The following ADAM2 variants were observed in gnomAD, a reference collection of about 807,000 sequenced individuals.
The protein encoded by ADAM2 is ADAM metallopeptidase domain 2, also known as disintegrin and metalloproteinase domain-containing protein 2.
Under a neutral mutation model 99.3 loss-of-function variants are expected in ADAM2, and 101 were observed. The observed-to-expected ratio is 1.02, with a 90% CI of 0.87 to 1.20. The LOEUF is 1.20. Among genes scored for constraint, ADAM2 ranks in the 50% most tolerant of loss-of-function variants. The pLI is 0.00. For missense variants in ADAM2, 948 were observed against 878.7 expected (o/e 1.08, Z -1.00); for synonymous variants, 323 against 287.6 (o/e 1.12, Z -1.25).
rs1473828223 is a variant in ADAM2, at chr8:39,781,047, C to T, written c.892-3886G>A. Among the ~76,000 whole-genome samples the T allele has an allele frequency of 4.0e-5, 6 of 150,512 alleles. No homozygotes were observed. The East Asian group carries it at 9.8e-4, about 24-fold the overall frequency. On this transcript the variant is annotated intron_variant, in intron 10 of 20. Coordinates refer to ENST00000265708, the MANE Select transcript of ADAM2 (RefSeq NM_001464.5). ...TTTTTGAGATGGAATCTCGCACTCT[C>T]GCCCAGGCTGGAGTGCAGTGGCGCC...
intron 6 of ADAM2, among the ~76,000 whole-genome samples, chr8:39,820,372 G>A (rs1705790147): frequency 2.6e-5 from 4 of 152,078 alleles, no homozygotes. Context: ...GAATTACAGT[G>A]CAAACTGAAT....
chr8:39,755,578 GC>G, intron 16 of ADAM2, 149 bp downstream of exon 16: 1 of 576,510 alleles, frequency 1.7e-6, no homozygotes, highest in Non-Finnish European at 3.0e-6. Flanking sequence ...AGAGGCTGAG[GC>G]AGGAGAATCA....
At chr8:39,746,085 G>A (rs1438155583) in intron 19 of ADAM2, among the ~76,000 whole-genome samples, 1 of 151,994 alleles carries the variant, frequency 6.6e-6, no homozygotes, top group Non-Finnish European at 1.5e-5. Context: ...GAGTGCAGTG[G>A]CACAATCTCG....
At chr8:39,747,334 C>A (rs375772509) in intron 18 of ADAM2, among the ~76,000 whole-genome samples, 56 of 152,152 alleles carry the variant, frequency 3.7e-4, no homozygotes, top group African/African-American at 1.2e-3. Context: ...TAAACAAAGG[C>A]CACACTCGCA....
At chr8:39,814,656 A>G (rs905489963) in intron 6 of ADAM2, among the ~76,000 whole-genome samples, 2 of 152,092 alleles carry the variant, frequency 1.3e-5, no homozygotes, top group African/African-American at 4.8e-5. Flanking sequence ...TGATTGATTT[A>G]TCCATCAATA....
intron 7 of ADAM2, among the ~76,000 whole-genome samples, chr8:39,794,566 T>A (rs1344620339): frequency 6.6e-6 from 1 of 152,140 alleles, no homozygotes; most frequent in Non-Finnish European, 1.5e-5. Flanking sequence ...GACTGGTAGT[T>A]AAAGATCGAC....
chr8:39,797,967 T>C (rs1804039477), intron 7 of ADAM2, among the ~76,000 whole-genome samples: 2 of 152,198 alleles, frequency 1.3e-5, no homozygotes, highest in African/African-American at 4.8e-5. Context: ...TTTCTAAATA[T>C]AAAATTATTC....
intron 10 of ADAM2, among the ~76,000 whole-genome samples, chr8:39,780,651 G>A (rs1369478117): frequency 6.6e-6 from 1 of 152,014 alleles, no homozygotes; most frequent in Non-Finnish European, 1.5e-5. Flanking sequence ...TTCTATTTCA[G>A]TAGATTTTTA....
At chr8:39,788,770 A>AAT in intron 7 of ADAM2, 30 bp from the exon 8 acceptor site, 1 of 1,180,102 alleles carries the variant, frequency 8.5e-7, no homozygotes, top group Non-Finnish European at 1.2e-6. Flanking sequence ...TTTAGATATA[A>AAT]ATATATATTG....
At chr8:39,835,619 C>T (rs1476874357) in intron 2 of ADAM2, among the ~76,000 whole-genome samples, 1 of 150,046 alleles carries the variant, frequency 6.7e-6, no homozygotes, top group Non-Finnish European at 1.5e-5. Context: ...GGAGGCGGAG[C>T]TTGCAGTGAG....
intron 16 of ADAM2, among the ~76,000 whole-genome samples, chr8:39,755,073 G>T (rs1313181390): frequency 6.6e-6 from 1 of 151,890 alleles, no homozygotes; most frequent in Non-Finnish European, 1.5e-5. Flanking sequence ...TCAGTAAAAT[G>T]GGCATATATT....
chr8:39,809,431 A>T lies in ADAM2; in HGVS notation c.549T>A (p.His183Gln), dbSNP rs762843212. 7.1e-7 allele frequency: 1 copy of T among 1,398,676 alleles called. No homozygotes were observed. The highest frequency in any genetic ancestry group is 1.2e-5 in the South Asian group (1 of 81,176). 86.6% of individuals were successfully genotyped at this position (1,398,676 alleles called of 1,614,324 possible). ...QQDFAKYIEMHVIVEKQLYNH... is the reference protein window; with the variant it reads ...QQDFAKYIEMQVIVEKQLYNH... ...TTACCAATTGTTTTTCAACTATAAC[A>T]TGCATTTCTATATACTTTGCAAAAT... Residue 183 changes from histidine (H) to glutamine (Q), a missense_variant, in exon 7 of 21, where the codon CAT becomes CAA. Transcript: ENST00000265708.
intron 7 of ADAM2, among the ~76,000 whole-genome samples, chr8:39,804,049 A>C (rs941645886): frequency 6.6e-6 from 1 of 152,192 alleles, no homozygotes; most frequent in Non-Finnish European, 1.5e-5. Flanking sequence ...AACAGAGTGC[A>C]TGATTAAGTA....
At position 39,821,089 on chromosome 8, in the gene ADAM2, T is replaced by C; in HGVS notation, c.426A>G (p.Gln142=). The C allele has an allele frequency of 1.4e-5, 23 of 1,610,008 alleles. No homozygotes were observed. Among genetic ancestry groups the C allele is most frequent in the Non-Finnish European group, 2.0e-5 (23 of 1,176,594 alleles). ...AAACATCTGCTTTCTTATGTTTTAC[T>C]TGGTAAATTACATGTTCAAAGCCAA... ...SSVGFEHVIY[Q]VKHKKADVSL... The change falls in exon 6 of 21, where the codon CAA becomes CAG. Residue 142 remains glutamine (Q), a synonymous_variant. Transcript: ENST00000265708.
chr8:39,790,166 C>T (rs1803645988), intron 7 of ADAM2, among the ~76,000 whole-genome samples: 3 of 152,002 alleles, frequency 2.0e-5, no homozygotes, highest in South Asian at 2.1e-4. Flanking sequence ...TCCAAAAATT[C>T]ACAGTTCTCA....
chr8:39,765,441 CAT>C (rs1563342745), intron 14 of ADAM2, among the ~76,000 whole-genome samples: 1 of 152,026 alleles, frequency 6.6e-6, no homozygotes, highest in African/African-American at 2.4e-5. Context: ...ATATAAGAGA[CAT>C]ATATAAATAG....
intron 7 of ADAM2, among the ~76,000 whole-genome samples, chr8:39,791,088 A>G (rs373614311): frequency 2.0e-5 from 3 of 151,942 alleles, no homozygotes; most frequent in East Asian, 3.9e-4. Context: ...AAGGCCTCGA[A>G]TGGGGTGACT....
intron 14 of ADAM2, among the ~76,000 whole-genome samples, chr8:39,764,331 C>A (rs1403885990): frequency 1.3e-5 from 2 of 152,086 alleles, no homozygotes; most frequent in African/African-American, 4.8e-5. Flanking sequence ...GATCACTTGA[C>A]CTTGGGAGTT....
At chr8:39,790,319 C>A (rs551188977) in intron 7 of ADAM2, among the ~76,000 whole-genome samples, 3 of 151,828 alleles carry the variant, frequency 2.0e-5, no homozygotes, top group South Asian at 4.2e-4. Context: ...AATCAAATTG[C>A]GACACAATAG....
Sources: allele counts gnomAD v4.1 joint callset (sites outside exome capture counted in the v4.1 genomes callset), GRCh38; gene constraint gnomAD v4.1.1; transcripts MANE v1.5; gene names NCBI Gene and HGNC (gene_info 2026-07-23, HGNC 2026-07-21).